The following ADORA2B variants were observed in gnomAD, a reference collection of about 807,000 sequenced individuals.
ADORA2B encodes adenosine A2b receptor.
In ADORA2B, 18 loss-of-function variants were observed where a neutral mutation model predicts 20.8. The observed-to-expected ratio is 0.87, with a 90% CI of 0.60 to 1.29. The LOEUF is 1.29. Among genes scored for constraint, ADORA2B ranks in the 50% most tolerant of loss-of-function variants. The pLI is 0.00. For missense variants in ADORA2B, 441 were observed against 422.7 expected (o/e 1.04, Z -0.38); for synonymous variants, 179 against 178.3 (o/e 1.00, Z -0.03).
At chr17:15,862,419 C>T in the ADORA2B span, among the ~76,000 whole-genome samples, 36 of 151,718 alleles carry the variant, frequency 2.4e-4, no homozygotes, top group African/African-American at 7.5e-4. Context: ...CAGGATTTCA[C>T]CATTTTGGCT....
At chr17:15,885,818 TGA>T in the ADORA2B span, among the ~76,000 whole-genome samples, 2 of 152,190 alleles carry the variant, frequency 1.3e-5, no homozygotes, top group Non-Finnish European at 2.9e-5. Context: ...CCACTTCATC[TGA>T]GAGATGAGAA....
Position 15,964,871 on chromosome 17 carries a change from C to T in ADORA2B, c.336-9808C>T, listed in dbSNP as rs150895271. Among the ~76,000 whole-genome samples, 892 of 152,052 alleles carry T rather than the reference C, an allele frequency of 5.9e-3. 11 individuals are homozygous for T. The highest frequency in any genetic ancestry group is 0.021 in the African/African-American group (853 of 41,450). ...GGTCAGGAGATCGAGACCATCCTGGCTAACACGGTGAAACCCCGTCTCTAC... is the reference window on the plus strand; with the variant it reads ...GGTCAGGAGATCGAGACCATCCTGGTTAACACGGTGAAACCCCGTCTCTAC... On this transcript the variant is annotated intron_variant, in intron 1 of 1. Transcript: ENST00000304222.
At chr17:15,926,119 T>C in the ADORA2B span, among the ~76,000 whole-genome samples, 1 of 152,062 alleles carries the variant, frequency 6.6e-6, no homozygotes, top group Non-Finnish European at 1.5e-5. Context: ...CCAGCATCGG[T>C]TTTATTTACT....
At chr17:15,933,448 G>C in the ADORA2B span, among the ~76,000 whole-genome samples, 4 of 152,056 alleles carry the variant, frequency 2.6e-5, no homozygotes, top group Admixed American at 1.3e-4. Context: ...TGTCTTTCCA[G>C]TTATTTGGGT....
At chr17:15,891,311 A>G in the ADORA2B span, among the ~76,000 whole-genome samples, 1 of 70,194 alleles carries the variant, frequency 1.4e-5, no homozygotes, top group Non-Finnish European at 2.9e-5. Flanking sequence ...GGATATGTGT[A>G]TATGCCTGTC....
At chr17:15,870,860 C>G in the ADORA2B span, among the ~76,000 whole-genome samples, 1 of 152,180 alleles carries the variant, frequency 6.6e-6, no homozygotes, top group Non-Finnish European at 1.5e-5. Context: ...TCCCTGACTT[C>G]GTTGTGAAGA....
the ADORA2B span, among the ~76,000 whole-genome samples, chr17:15,872,840 C>A: frequency 5.9e-5 from 9 of 152,290 alleles, no homozygotes; most frequent in African/African-American, 2.2e-4. Flanking sequence ...ATGATCATAT[C>A]ATCTGCAAAT....
chr17:15,973,373 C>G (rs1970210711), intron 1 of ADORA2B, among the ~76,000 whole-genome samples: 1 of 152,090 alleles, frequency 6.6e-6, no homozygotes, highest in African/African-American at 2.4e-5. Flanking sequence ...TTATGTTTAC[C>G]CCTGCTAGAT....
chr17:15,926,250 G>A, the ADORA2B span, among the ~76,000 whole-genome samples: 2 of 152,002 alleles, frequency 1.3e-5, no homozygotes, highest in South Asian at 2.1e-4. Context: ...TGAGACAAAC[G>A]GGGTTGTGCC....
At chr17:15,909,743 A>G in the ADORA2B span, among the ~76,000 whole-genome samples, 59 of 152,298 alleles carry the variant, frequency 3.9e-4, 1 homozygote, top group Middle Eastern at 0.01. Flanking sequence ...AAATCCCAAC[A>G]GTATTTCGGC....
At position 15,945,341 on chromosome 17, in the gene ADORA2B, G is replaced by C. The variant is rs1395688424; in HGVS notation, c.93G>C (p.Ala31=). The change falls in exon 1 of 2, where the codon GCG becomes GCC. Residue 31 remains alanine, a synonymous_variant. Coordinates refer to ENST00000304222, the MANE Select transcript of ADORA2B (RefSeq NM_000676.4). ...CGGGCAACGTGCTGGTGTGCGCCGC[G>C]GTGGGCACGGCGAACACTCTGCAGA... is the stretch of plus-strand genomic sequence containing the variant. ...SVAGNVLVCA[A]VGTANTLQTP... 1 of 1,605,670 alleles carries C rather than the reference G, an allele frequency of 6.2e-7. No homozygotes were observed. The highest frequency in any genetic ancestry group is 8.5e-7 in the Non-Finnish European group (1 of 1,178,290).
chr17:15,941,028 G>A (rs1445217429), upstream of ADORA2B, among the ~76,000 whole-genome samples: 2 of 152,224 alleles, frequency 1.3e-5, no homozygotes, highest in African/African-American at 2.4e-5. Context: ...TTCTGCTCTG[G>A]CAGTTGAGGC....
chr17:15,935,139 G>A, the ADORA2B span, among the ~76,000 whole-genome samples: 3 of 152,126 alleles, frequency 2.0e-5, no homozygotes, highest in Non-Finnish European at 4.4e-5. Context: ...TTTTATAGTT[G>A]TCTTTGTAGT....
chr17:15,917,954 C>T, the ADORA2B span, among the ~76,000 whole-genome samples: 1 of 152,270 alleles, frequency 6.6e-6, no homozygotes, highest in African/African-American at 2.4e-5. Flanking sequence ...CTGCACTGGG[C>T]CCGGGCTGTC....
the ADORA2B span, among the ~76,000 whole-genome samples, chr17:15,918,203 C>T: frequency 1.3e-5 from 2 of 152,144 alleles, no homozygotes; most frequent in African/African-American, 4.8e-5. Flanking sequence ...GGAATCCTTC[C>T]ATCCTCATGA....
chr17:15,869,606 C>T, the ADORA2B span, among the ~76,000 whole-genome samples: 1 of 152,092 alleles, frequency 6.6e-6, no homozygotes, highest in Non-Finnish European at 1.5e-5. Flanking sequence ...AGAAATAAAA[C>T]CCATGAGGAG....
At chr17:15,911,034 C>T in the ADORA2B span, among the ~76,000 whole-genome samples, 1 of 152,188 alleles carries the variant, frequency 6.6e-6, no homozygotes, top group Non-Finnish European at 1.5e-5. Context: ...TTTGAAAGTT[C>T]TCTAGACGAC....
rs1416550071 is a variant in ADORA2B, at chr17:15,975,620, T to C, written c.*278T>C. ...TAACAGACTCTTTTGTTTTTAAAAG[T>C]CTGCCTTGTTTATGGTGGAAAATTA... is the stretch of plus-strand genomic sequence containing the variant. On this transcript the variant is annotated 3_prime_UTR_variant, in exon 2 of 2. Coordinates refer to ENST00000304222, the MANE Select transcript of ADORA2B (RefSeq NM_000676.4). The C allele has an allele frequency of 7.2e-6, 3 of 419,432 alleles. No homozygotes were observed. The highest frequency in any genetic ancestry group is 6.0e-5 in the African/African-American group (3 of 49,910). The allele number at this position is 419,432 out of a possible 1,614,324, so 26.0% of individuals were successfully genotyped here. A position where few individuals can be genotyped will look rare whatever the true frequency, so the allele number is the denominator to read the frequency against.
At chr17:15,890,923 G>A in the ADORA2B span, among the ~76,000 whole-genome samples, 1 of 152,230 alleles carries the variant, frequency 6.6e-6, no homozygotes, top group African/African-American at 2.4e-5. Context: ...GCAGCACGAG[G>A]CCACTCAAGG....
Sources: gnomAD v4.1 joint callset for allele counts (sites outside exome capture counted in the v4.1 genomes callset) on GRCh38, gnomAD v4.1.1 for gene constraint, MANE v1.5 for transcripts, NCBI Gene and HGNC (gene_info 2026-07-23, HGNC 2026-07-21) for gene names.